Variants in ADCY6 observed in about 807,000 individuals in gnomAD.
ADCY6 encodes the protein adenylate cyclase 6, also known as adenylate cyclase type 6.
Under a neutral mutation model 111.6 loss-of-function variants are expected in ADCY6, and 59 were observed. That is an observed-to-expected ratio of 0.53 (90% confidence interval 0.43 to 0.66). ADCY6 has a LOEUF of 0.66. Among genes scored for constraint, ADCY6 ranks in the 30% least tolerant of loss-of-function variants. ADCY6 has a pLI of 0.00. For synonymous variants in ADCY6, 576 were observed against 642.9 expected, an observed-to-expected ratio of 0.90 and a Z score of 1.57; for missense variants, 1,242 against 1,595.6, an observed-to-expected ratio of 0.78 and a Z score of 3.78.
chr12:48,770,063 ATTTTT>A (rs35784184), intron 20 of ADCY6, among the ~76,000 whole-genome samples: 3 of 112,912 alleles, frequency 2.7e-5, no homozygotes, highest in African/African-American at 1.0e-4. Context: ...GCCCGGCCTA[ATTTTT>A]TTTTTTTTTT....
At chr12:48,779,687 C>T (rs1233333507) in intron 2 of ADCY6, among the ~76,000 whole-genome samples, 3 of 152,146 alleles carry the variant, frequency 2.0e-5, no homozygotes, top group Non-Finnish European at 4.4e-5. Flanking sequence ...TCTGGAAACT[C>T]AGGAATTAAC....
At position 48,775,026 on chromosome 12, in the gene ADCY6, C is replaced by T; in HGVS notation, c.2009G>A (p.Gly670Glu). ...CAACAGGGCACAGGCAACGTAGGCT[C>T]CGAAGCGGGGATCCACCTTCCGGGA... ...KYSRKVDPRF[G>E]AYVACALLVF... Residue 670 changes from glycine to glutamate, a missense_variant, in exon 12 of 22, where the codon GGA (glycine) becomes GAA (glutamate). Physicochemically the swap from Gly to Glu is moderately conservative, Grantham distance 98. Coordinates refer to ENST00000357869, the MANE Select transcript of ADCY6 (RefSeq NM_015270.5). The T allele has an allele frequency of 1.3e-6, 2 of 1,557,058 alleles. No homozygotes were observed. Among genetic ancestry groups the T allele is most frequent in the Non-Finnish European group, 1.7e-6 (2 of 1,149,964 alleles).
At chr12:48,780,625 G>A (rs1941817067) in intron 2 of ADCY6, among the ~76,000 whole-genome samples, 2 of 152,132 alleles carry the variant, frequency 1.3e-5, no homozygotes, top group South Asian at 4.1e-4. Flanking sequence ...TCCCCAGTCA[G>A]GCACTGGGCC....
rs138465901 is a variant in ADCY6 at position 48,771,865 on chromosome 12, G to A, written c.2896C>T (p.Arg966Cys). Residue 966 changes from arginine (R) to cysteine (C), a missense_variant, in exon 19 of 22, where the codon CGC (arginine) becomes TGC (cysteine). Around this residue, in one of 4 missense-constraint regions of ADCY6, gnomAD observed 245 missense variants for 371.3 expected, o/e 0.66. Coordinates refer to ENST00000357869, the MANE Select transcript of ADCY6 (RefSeq NM_015270.5). The surrounding 1 kb of genome is among the most constrained non-coding windows in gnomAD (Gnocchi z 4.3). ...VAAHFLARER[R>C]NDELYYQSCE... Reference sequence around the variant, plus strand: ...GACTGATAGTAGAGTTCATCATTGCGGCGCTCCCGGGCCAGGAAGTGGGCC... The same window carrying A: ...GACTGATAGTAGAGTTCATCATTGCAGCGCTCCCGGGCCAGGAAGTGGGCC... The A allele has an allele frequency of 3.3e-4, 537 of 1,614,118 alleles. No homozygotes were observed. Among genetic ancestry groups the A allele is most frequent in the Middle Eastern group, 4.9e-4 (3 of 6,062 alleles).
chr12:48,772,066 A>G (rs1941563160), intron 18 of ADCY6, 93 bp from the exon 19 acceptor site: 2 of 1,496,064 alleles, frequency 1.3e-6, no homozygotes, highest in East Asian at 2.3e-5. Flanking sequence ...AGGGAATCAC[A>G]TAGAGAAAGA....
chr12:48,773,371 T>A, intron 16 of ADCY6, 98 bp downstream of exon 16: 17 of 1,383,390 alleles, frequency 1.2e-5, no homozygotes, highest in African/African-American at 1.4e-5. Flanking sequence ...GTTGTGGCAT[T>A]CCAAGGCACA....
chr12:48,779,586 C>T (rs531057047), intron 2 of ADCY6, among the ~76,000 whole-genome samples: 24 of 152,218 alleles, frequency 1.6e-4, no homozygotes, highest in Middle Eastern at 3.4e-3. Flanking sequence ...AGGCCCTAGG[C>T]CTAGGGCCCC....
At position 48,771,144 on chromosome 12, in the gene ADCY6, G is replaced by C; in HGVS notation, c.3052-174C>G. The C allele has an allele frequency of 1.5e-6, 1 of 653,180 alleles. No individual in the cohort carries two copies. Among genetic ancestry groups the C allele is most frequent in the Non-Finnish European group, 2.6e-6 (1 of 384,772 alleles). The allele number at this position is 653,180 out of a possible 1,614,324, so 40.5% of individuals were successfully genotyped here. A position where few individuals can be genotyped will look rare whatever the true frequency, so the allele number is the denominator to read the frequency against. Reference sequence around the variant, plus strand: ...AGGAGCTGGGAAAACAGGCAGCCTAGGACTCCAGGCAGGACTTGGGCATAC... The same window carrying C: ...AGGAGCTGGGAAAACAGGCAGCCTACGACTCCAGGCAGGACTTGGGCATAC... On this transcript the variant is annotated intron_variant, in intron 19 of 21. Transcript: ENST00000357869. The surrounding 1 kb of genome is among the most constrained non-coding windows in gnomAD (Gnocchi z 4.3).
Position 48,782,691 on chromosome 12 carries a change from G to A in ADCY6, c.744C>T (p.Ile248=), listed in dbSNP as rs1941875503. ...GLWCPVFFVY[I]AYTLLPIRMR... is the part of the protein sequence containing the mutation. Reference sequence around the variant, plus strand: ...TGCGGATGGGGAGGAGCGTGTAGGCGATGTAGACAAAGAACACAGGGCACC... The same window carrying A: ...TGCGGATGGGGAGGAGCGTGTAGGCAATGTAGACAAAGAACACAGGGCACC... Residue 248 remains isoleucine, a synonymous_variant, in exon 2 of 22, where the codon ATC becomes ATT. Coordinates refer to ENST00000357869, the MANE Select transcript of ADCY6 (RefSeq NM_015270.5). This position sits in a 1 kb window ranked among gnomAD's most constrained non-coding sequence, Gnocchi z 4.3. The A allele has an allele frequency of 4.4e-6, 7 of 1,592,106 alleles. No homozygotes were observed. Among genetic ancestry groups the A allele is most frequent in the Non-Finnish European group, 6.0e-6 (7 of 1,168,384 alleles).
At chr12:48,770,106 AT>A (rs1398169782) in intron 20 of ADCY6, among the ~76,000 whole-genome samples, 6 of 115,588 alleles carry the variant, frequency 5.2e-5, no homozygotes, top group African/African-American at 2.1e-4. Flanking sequence ...GGGTTTCACT[AT>A]GTTGGTCAGG....
chr12:48,779,667 C>T (rs1281800811), intron 2 of ADCY6, among the ~76,000 whole-genome samples: 3 of 152,160 alleles, frequency 2.0e-5, no homozygotes, highest in Admixed American at 2.0e-4. Flanking sequence ...GGGAAGCTGG[C>T]CTCAGTGTTT....
chr12:48,772,013 C>G, intron 18 of ADCY6, 40 bp from the exon 19 acceptor site: 1 of 1,580,720 alleles, frequency 6.3e-7, no homozygotes, highest in Non-Finnish European at 8.6e-7. Context: ...CCGACATTCA[C>G]AAGGGGTAGG....
chr12:48,786,500 T>C (rs1941982044), intron 1 of ADCY6, among the ~76,000 whole-genome samples: 2 of 152,176 alleles, frequency 1.3e-5, no homozygotes, highest in African/African-American at 4.8e-5. Context: ...ATAGCTGAGA[T>C]TACAAGCACC....
At chr12:48,772,104 A>C in intron 18 of ADCY6, 131 bp from the exon 19 acceptor site, 2 of 1,401,910 alleles carry the variant, frequency 1.4e-6, no homozygotes, top group Non-Finnish European at 9.5e-7. Flanking sequence ...GGCCTAAAGA[A>C]CAGGCAAAGG....
At position 48,777,296 on chromosome 12, in the gene ADCY6, C is replaced by T. The variant is rs1276452124; in HGVS notation, c.1249-65G>A. On this transcript the variant is annotated intron_variant, in intron 5 of 21. Coordinates refer to ENST00000357869, the MANE Select transcript of ADCY6 (RefSeq NM_015270.5). This position sits in a 1 kb window ranked among gnomAD's most constrained non-coding sequence, Gnocchi z 4.9. ...CTCTTGCCCACCCAGCCTGCATGGCCCACCACCCTCCACGCATACTCTATC... is the reference window on the plus strand; with the variant it reads ...CTCTTGCCCACCCAGCCTGCATGGCTCACCACCCTCCACGCATACTCTATC... The T allele has an allele frequency of 6.3e-7, 1 of 1,591,976 alleles. No individual in the cohort carries two copies. Among genetic ancestry groups the T allele is most frequent in the East Asian group, 2.2e-5 (1 of 44,700 alleles).
At chr12:48,787,739 C>T (rs1192249985) in intron 1 of ADCY6, among the ~76,000 whole-genome samples, 1 of 152,172 alleles carries the variant, frequency 6.6e-6, no homozygotes, top group African/African-American at 2.4e-5. Context: ...GGTCCATTTG[C>T]ACTCTCACAG....
In ADCY6 at chr12:48,770,776, C is replaced by A; in HGVS notation, c.3246G>T (p.Gln1082His). ...ACAAAGCCCTCTTACCAATCTTCAT[C>A]TGGAAATTGTTGAAGGAGTGCTCAT... ...HINEHSFNNFQMKIGLNMGPV... is the reference protein window; with the variant it reads ...HINEHSFNNFHMKIGLNMGPV... Residue 1082 changes from glutamine to histidine, a missense_variant, in exon 20 of 22, where the codon CAG becomes CAT. Transcript: ENST00000357869. 1 of 1,614,040 alleles carries A rather than the reference C, an allele frequency of 6.2e-7. No individual in the cohort carries two copies. Among genetic ancestry groups the A allele is most frequent in the Non-Finnish European group, 8.5e-7 (1 of 1,179,958 alleles).
intron 1 of ADCY6, among the ~76,000 whole-genome samples, chr12:48,787,410 AC>A (rs540311762): frequency 1.8e-3 from 271 of 150,844 alleles, no homozygotes; most frequent in African/African-American, 6.3e-3. Flanking sequence ...GAACACTCTG[AC>A]CCCCCCCAAG....
rs200084328 is a variant in ADCY6 at position 48,775,036 on chromosome 12, G to T, written c.1999C>A (p.Pro667Thr). The change falls in exon 12 of 22, where the codon CCC (proline) becomes ACC (threonine). Residue 667 changes from proline to threonine, a missense_variant. This residue lies in a region of ADCY6 where 375 missense variants were observed against 432.5 expected (regional missense o/e 0.87). Coordinates refer to ENST00000357869, the MANE Select transcript of ADCY6 (RefSeq NM_015270.5). Reference protein sequence around the residue: ...LEKKYSRKVDPRFGAYVACAL... With the variant: ...LEKKYSRKVDTRFGAYVACAL... ...CAGGCAACGTAGGCTCCGAAGCGGG[G>T]ATCCACCTTCCGGGAGTACTGAGGG... is the stretch of plus-strand genomic sequence containing the variant. 679 of 1,556,164 alleles carry T rather than the reference G, an allele frequency of 4.4e-4. 1 individual carries two copies. The highest frequency in any genetic ancestry group is 5.4e-4 in the Non-Finnish European group (616 of 1,149,470).
Sources: allele counts gnomAD v4.1 joint callset (sites outside exome capture counted in the v4.1 genomes callset), GRCh38; gene constraint gnomAD v4.1.1; regional missense constraint gnomAD v4.1.1; non-coding constraint Gnocchi (gnomAD v3.1); transcripts MANE v1.5; gene names NCBI Gene and HGNC (gene_info 2026-07-23, HGNC 2026-07-21).